PTPRT: variants seen among roughly 807,000 people sequenced by gnomAD.
PTPRT encodes the protein protein tyrosine phosphatase receptor type T.
PTPRT carries 56 observed loss-of-function variants against 176.8 expected under a neutral mutation model. That is an observed-to-expected ratio of 0.32 (90% CI 0.26 to 0.40). PTPRT has a LOEUF of 0.40. Among genes scored for constraint, PTPRT ranks in the 10% least tolerant of loss-of-function variants. PTPRT has a pLI of 1.00. For missense variants in PTPRT, 1,540 were observed against 1,908.2 expected, an observed-to-expected ratio of 0.81 and a Z score of 3.60; for synonymous variants, 783 against 739.0, an observed-to-expected ratio of 1.06 and a Z score of -0.96.
At chr20:42,055,430 T>C in the PTPRT span, among the ~76,000 whole-genome samples, 1 of 152,076 alleles carries the variant, frequency 6.6e-6, no homozygotes, top group African/African-American at 2.4e-5. Context: ...ATTCTCAGAG[T>C]CTAGGGGAGG....
At position 42,343,334 on chromosome 20, in the gene PTPRT, C is replaced by T. The variant is rs997192453; in HGVS notation, c.1865+7294G>A. Among the ~76,000 whole-genome samples the T allele has an allele frequency of 4.6e-5, 7 of 152,174 alleles. No individual in the cohort carries two copies. In the East Asian group the frequency reaches 9.6e-4, roughly 21 times the overall value. On this transcript the variant is annotated intron_variant, in intron 11 of 30. Transcript: ENST00000373187. ...GAGAATGGCACCACTTTCCATCCCA[C>T]GAACCAAGCCAGAAAACTGGGAGTC...
intron 14 of PTPRT, among the ~76,000 whole-genome samples, chr20:42,248,284 A>G (rs1198051206): frequency 6.6e-6 from 1 of 152,226 alleles, no homozygotes; most frequent in Non-Finnish European, 1.5e-5. Flanking sequence ...CGGAGGTGAG[A>G]ATGGTAAAAC....
At chr20:42,106,652 A>C in intron 24 of PTPRT, 134 bp downstream of exon 24, 4 of 1,212,516 alleles carry the variant, frequency 3.3e-6, no homozygotes, top group Non-Finnish European at 4.6e-6. Context: ...CCACGTGTCT[A>C]CTCCCTCCTG....
At chr20:43,179,837 G>T (rs556750395) in intron 1 of PTPRT, among the ~76,000 whole-genome samples, 1 of 152,306 alleles carries the variant, frequency 6.6e-6, no homozygotes, top group South Asian at 2.1e-4. Context: ...GTGACTTCAG[G>T]TTCCTGTGGT....
intron 6 of PTPRT, among the ~76,000 whole-genome samples, chr20:42,744,037 T>C (rs1056491532): frequency 1.3e-5 from 2 of 152,258 alleles, no homozygotes. Flanking sequence ...GGCTGGAAGC[T>C]GGGTGAGGCC....
chr20:42,653,089 G>A (rs577679009), intron 7 of PTPRT, among the ~76,000 whole-genome samples: 23 of 152,240 alleles, frequency 1.5e-4, no homozygotes, highest in Middle Eastern at 3.4e-3. Context: ...CTCACATGTC[G>A]TGGGAGGGAC....
intron 1 of PTPRT, among the ~76,000 whole-genome samples, chr20:42,926,342 A>G (rs1035345591): frequency 6.6e-6 from 1 of 152,156 alleles, no homozygotes; most frequent in African/African-American, 2.4e-5. Context: ...GGCCCCAACA[A>G]TGGGCTGCAC....
chr20:43,064,813 A>G (rs12479773), intron 1 of PTPRT, among the ~76,000 whole-genome samples: 10,402 of 152,292 alleles, frequency 0.068, 413 homozygotes, highest in Middle Eastern at 0.14. Context: ...ACTGTCTCCC[A>G]AAGAAAAGGT....
intron 2 of PTPRT, among the ~76,000 whole-genome samples, chr20:42,817,868 A>G (rs748603388): frequency 2.0e-5 from 3 of 152,140 alleles, no homozygotes; most frequent in Non-Finnish European, 4.4e-5. Context: ...CAGAATTCGG[A>G]TCCCCCTGGA....
intron 7 of PTPRT, among the ~76,000 whole-genome samples, chr20:42,533,869 G>C (rs1043494136): frequency 6.6e-6 from 1 of 152,338 alleles, no homozygotes; most frequent in Admixed American, 6.5e-5. Context: ...CAAGGGAATG[G>C]GGGTGAAGGG....
At chr20:42,597,628 C>T (rs2073695122) in intron 7 of PTPRT, among the ~76,000 whole-genome samples, 1 of 152,198 alleles carries the variant, frequency 6.6e-6, no homozygotes, top group East Asian at 1.9e-4. Flanking sequence ...GATTTGCATG[C>T]TTCCCCTTAA....
chr20:42,615,721 T>C (rs1481466813), intron 7 of PTPRT, among the ~76,000 whole-genome samples: 1 of 123,530 alleles, frequency 8.1e-6, no homozygotes, highest in East Asian at 2.0e-4. Context: ...GTTTTTTGGC[T>C]GCATAAATGT....
chr20:42,694,080 C>T (rs1266738102), intron 6 of PTPRT, among the ~76,000 whole-genome samples: 15 of 150,198 alleles, frequency 1.0e-4, no homozygotes, highest in Non-Finnish European at 1.8e-4. Context: ...GCTCTGTCGC[C>T]CAGGCTGGAG....
intron 7 of PTPRT, among the ~76,000 whole-genome samples, chr20:42,533,971 C>T (rs1038140547): frequency 6.6e-6 from 1 of 152,158 alleles, no homozygotes; most frequent in East Asian, 1.9e-4. Context: ...TTCTTCTCTG[C>T]AGCTGCCCTC....
chr20:43,189,267 C>G lies in PTPRT; in HGVS notation c.88+379G>C, dbSNP rs75204617. Among the ~76,000 whole-genome samples, 509 of 152,316 alleles carry G rather than the reference C, an allele frequency of 3.3e-3. 2 individuals carry two copies. The highest frequency in any genetic ancestry group is 0.012 in the African/African-American group (498 of 41,582). Reference sequence around the variant, plus strand: ...GAGGAGCTGCCCGGGAGAGAACGCTCCACCCCGGGCGTCGGTGCCGCTCCT... The same window carrying G: ...GAGGAGCTGCCCGGGAGAGAACGCTGCACCCCGGGCGTCGGTGCCGCTCCT... On this transcript the variant is annotated intron_variant, in intron 1 of 30. Coordinates refer to ENST00000373187, the MANE Select transcript of PTPRT (RefSeq NM_007050.6). This position sits in a 1 kb window ranked among gnomAD's most constrained non-coding sequence, Gnocchi z 5.0.
chr20:42,606,120 C>T (rs538836511), intron 7 of PTPRT, among the ~76,000 whole-genome samples: 12 of 152,292 alleles, frequency 7.9e-5, no homozygotes, highest in Admixed American at 2.6e-4. Context: ...TTGTGAGCCC[C>T]GTTGGCTCTT....
rs140414517 is a variant in PTPRT at position 42,701,197 on chromosome 20, G to A, written c.860-23038C>T. Among the ~76,000 whole-genome samples the A allele has an allele frequency of 1.9e-3, 285 of 152,250 alleles. 1 individual carries two copies. The Middle Eastern group carries it at 0.031, about 16-fold the overall frequency. The stretch of plus-strand genomic sequence containing the variant: ...TATCACACTGGGAAGGAAGAGAGTG[G>A]GGATACATTTCCACGGGATTTTAGG... On this transcript the variant is annotated intron_variant, in intron 6 of 30. Transcript: ENST00000373187.
At chr20:42,128,303 A>G (rs972338552) in intron 19 of PTPRT, among the ~76,000 whole-genome samples, 3 of 152,106 alleles carry the variant, frequency 2.0e-5, no homozygotes, top group Non-Finnish European at 2.9e-5. Context: ...GACACTTAAC[A>G]ATTTCTACTT....
At chr20:42,910,022 T>A (rs1600547222) in intron 1 of PTPRT, among the ~76,000 whole-genome samples, 2 of 152,292 alleles carry the variant, frequency 1.3e-5, no homozygotes, top group South Asian at 4.1e-4. Context: ...CAATCACACC[T>A]TTGAATCTTT....
Sources: allele counts gnomAD v4.1 joint callset (sites outside exome capture counted in the v4.1 genomes callset), GRCh38; gene constraint gnomAD v4.1.1; non-coding constraint Gnocchi (gnomAD v3.1); transcripts MANE v1.5; gene names NCBI Gene and HGNC (gene_info 2026-07-23, HGNC 2026-07-21).